The following SLC30A7 variants were observed in gnomAD, a reference collection of about 807,000 sequenced individuals.
SLC30A7 encodes the protein solute carrier family 30 member 7.
SLC30A7 carries 35 observed loss-of-function variants against 46.0 expected under a neutral mutation model. The ratio of observed to expected loss-of-function variants is 0.76; its 90% CI spans 0.58 to 1.01. The LOEUF is 1.01. Ranked by LOEUF, SLC30A7 falls within the 50% of genes least tolerant of loss-of-function variation. SLC30A7 has a pLI of 0.00. For missense variants in SLC30A7, 464 were observed against 451.1 expected, an observed-to-expected ratio of 1.03 and a Z score of -0.26; for synonymous variants, 147 against 157.8, an observed-to-expected ratio of 0.93 and a Z score of 0.51.
chr1:100,923,147 G>A (rs1486670786), intron 8 of SLC30A7, among the ~76,000 whole-genome samples: 1 of 134,884 alleles, frequency 7.4e-6, no homozygotes, highest in African/African-American at 2.8e-5. Flanking sequence ...CTCCCGAGTA[G>A]CTGGGACTAC....
intron 8 of SLC30A7, among the ~76,000 whole-genome samples, chr1:100,960,844 A>G (rs2101083763): frequency 6.6e-6 from 1 of 152,282 alleles, no homozygotes; most frequent in African/African-American, 2.4e-5. Context: ...ATATATCAGA[A>G]GTGAAAACAA....
In SLC30A7 at chr1:100,918,109, A is replaced by T. The variant is rs745466019; in HGVS notation, c.688A>T (p.Ser230Cys). 8.1e-6 allele frequency: 13 copies of T among 1,612,910 alleles called. No individual in the cohort carries two copies. The highest frequency in any genetic ancestry group is 1.1e-5 in the Non-Finnish European group (13 of 1,179,222). ...GTCCTTAAAAGAAACAACAGGACCC[A>T]GCAGACAGATTTTACAAGGTATGAC... ...GPSLKETTGP[S>C]RQILQGVFLH... The change falls in exon 7 of 11, where the codon AGC becomes TGC. Residue 230 changes from serine (S) to cysteine (C), a missense_variant. Physicochemically the swap from Ser to Cys is moderately radical, Grantham distance 112. Coordinates refer to ENST00000357650, the MANE Select transcript of SLC30A7 (RefSeq NM_133496.5).
chr1:100,977,689 C>T lies in SLC30A7; in HGVS notation c.*2832C>T, dbSNP rs1570609529. On this transcript the variant is annotated 3_prime_UTR_variant, in exon 11 of 11. Coordinates refer to ENST00000357650, the MANE Select transcript of SLC30A7 (RefSeq NM_133496.5). ...TTTGTATTGCTCAGGGACAGTTTAC[C>T]TTGCCTGGTAAACCTTCCCAAACAG... 1 of 152,136 alleles carries T rather than the reference C, an allele frequency of 6.6e-6. No individual in the cohort carries two copies. Among genetic ancestry groups the T allele is most frequent in the African/African-American group, 2.4e-5 (1 of 41,430 alleles). The allele number at this position is 152,136 out of a possible 1,614,324, so 9.4% of individuals were successfully genotyped here.
At chr1:100,909,319 T>C (rs1406140175) in intron 3 of SLC30A7, among the ~76,000 whole-genome samples, 18 of 152,120 alleles carry the variant, frequency 1.2e-4, no homozygotes, top group Non-Finnish European at 2.5e-4. Flanking sequence ...AGCAAGGACT[T>C]TTAAGTATTT....
At chr1:100,928,190 C>A (rs1169955182) in intron 8 of SLC30A7, among the ~76,000 whole-genome samples, 1 of 152,134 alleles carries the variant, frequency 6.6e-6, no homozygotes, top group East Asian at 1.9e-4. Context: ...GTGTAATGAT[C>A]TAATGGCACG....
In SLC30A7 at chr1:100,920,265, A is replaced by G. The variant is rs141393033; in HGVS notation, c.707-1441A>G. Reference sequence around the variant, plus strand: ...AAAGGCTTAAAAGCATGTATCATATATAAGAGTTTGTAGTTAGGGACCTTC... The same window carrying G: ...AAAGGCTTAAAAGCATGTATCATATGTAAGAGTTTGTAGTTAGGGACCTTC... On this transcript the variant is annotated intron_variant, in intron 7 of 10. Coordinates refer to ENST00000357650, the MANE Select transcript of SLC30A7 (RefSeq NM_133496.5). Among the ~76,000 whole-genome samples, 1,178 of 152,172 alleles carry G rather than the reference A, an allele frequency of 7.7e-3. 10 individuals carry two copies. Among genetic ancestry groups the G allele is most frequent in the Non-Finnish European group, 0.014 (940 of 67,896 alleles).
intron 8 of SLC30A7, among the ~76,000 whole-genome samples, chr1:100,923,920 G>C (rs1293010003): frequency 6.6e-6 from 1 of 152,110 alleles, no homozygotes; most frequent in African/African-American, 2.4e-5. Context: ...TTTATTCACT[G>C]TTACAACTAT....
rs1415916140 is a variant in SLC30A7, at chr1:100,975,074, T to G, written c.*217T>G. The stretch of plus-strand genomic sequence containing the variant: ...TCTCCTGGACTTTTGGTCTTTTCTT[T>G]TGTGCTCTTTCCTCCAAATCTTTTT... On this transcript the variant is annotated 3_prime_UTR_variant, in exon 11 of 11. Transcript: ENST00000357650. 5.2e-6 allele frequency: 2 copies of G among 387,958 alleles called. No individual in the cohort carries two copies. Among genetic ancestry groups the G allele is most frequent in the Non-Finnish European group, 9.1e-6 (2 of 218,878 alleles). The allele number at this position is 387,958 out of a possible 1,614,324, so 24.0% of individuals were successfully genotyped here.
intron 6 of SLC30A7, among the ~76,000 whole-genome samples, chr1:100,916,064 A>G (rs570976544): frequency 2.0e-5 from 3 of 151,954 alleles, no homozygotes; most frequent in African/African-American, 7.2e-5. Context: ...GGCTATTTGT[A>G]TGTCTTCTTT....
intron 8 of SLC30A7, among the ~76,000 whole-genome samples, chr1:100,935,123 A>G (rs978689289): frequency 6.6e-6 from 1 of 152,216 alleles, no homozygotes; most frequent in Non-Finnish European, 1.5e-5. Context: ...TAGCTCATTT[A>G]TTTTTAGAAA....
chr1:100,913,581 C>A (rs1652271276), intron 5 of SLC30A7, 82 bp from the exon 6 acceptor site: 1 of 981,192 alleles, frequency 1.0e-6, no homozygotes, highest in East Asian at 2.5e-5. Context: ...AGAGCTGATT[C>A]TTTGCGCTAG....
intron 6 of SLC30A7, among the ~76,000 whole-genome samples, chr1:100,915,188 C>CTGTTTTCT (rs1652415816): frequency 8.1e-6 from 1 of 123,736 alleles, no homozygotes; most frequent in African/African-American, 3.0e-5. Context: ...CTTTTCTTTT[C>CTGTTTTCT]TTTCTTTTCT....
intron 8 of SLC30A7, among the ~76,000 whole-genome samples, chr1:100,957,463 C>G (rs995767165): frequency 1.3e-5 from 2 of 152,088 alleles, no homozygotes; most frequent in African/African-American, 4.8e-5. Flanking sequence ...AGTTTAACCA[C>G]TTTTTCTTAT....
intron 8 of SLC30A7, among the ~76,000 whole-genome samples, chr1:100,946,710 C>T (rs1423710206): frequency 6.6e-6 from 1 of 152,162 alleles, no homozygotes; most frequent in Admixed American, 6.5e-5. Flanking sequence ...AGGATTTTTG[C>T]ATCGATGTTC....
At chr1:100,952,786 C>A (rs1480951274) in intron 8 of SLC30A7, among the ~76,000 whole-genome samples, 3 of 152,076 alleles carry the variant, frequency 2.0e-5, no homozygotes, top group Admixed American at 1.3e-4. Flanking sequence ...CTGCAGTGTC[C>A]CTCCTAGATG....
At chr1:100,974,755 GTAGGGTGTTAT>G in intron 10 of SLC30A7, 44 bp from the exon 11 acceptor site, 1 of 1,297,568 alleles carries the variant, frequency 7.7e-7, no homozygotes, top group Non-Finnish European at 1.1e-6. Flanking sequence ...CCTGAAATGT[GTAGGGTGTTAT>G]TAGCTTGTTA....
chr1:100,911,160 A>T lies in SLC30A7; in HGVS notation c.384+10A>T. ...CTCAGAAGGAGTTGAGGTATAGTAG[A>T]TAATTATTAAAGTCAGTAAATTACA... On this transcript the variant is annotated intron_variant, in intron 4 of 10. Coordinates refer to ENST00000357650, the MANE Select transcript of SLC30A7 (RefSeq NM_133496.5). 1 of 1,541,602 alleles carries T rather than the reference A, an allele frequency of 6.5e-7. No homozygotes were observed. The highest frequency in any genetic ancestry group is 8.9e-7 in the Non-Finnish European group (1 of 1,122,492).
intron 10 of SLC30A7, among the ~76,000 whole-genome samples, chr1:100,967,115 A>G (rs1655912462): frequency 6.6e-6 from 1 of 152,224 alleles, no homozygotes; most frequent in African/African-American, 2.4e-5. Context: ...AGAAAGAGGC[A>G]GAGAGAATAT....
chr1:100,966,517 G>A (rs1374605042), intron 10 of SLC30A7, among the ~76,000 whole-genome samples: 5 of 151,294 alleles, frequency 3.3e-5, no homozygotes, highest in African/African-American at 7.3e-5. Flanking sequence ...CCCAGGAGGC[G>A]GAGCTTGCAG....
Sources: gnomAD v4.1 joint callset for allele counts (sites outside exome capture counted in the v4.1 genomes callset) on GRCh38, gnomAD v4.1.1 for gene constraint, MANE v1.5 for transcripts, NCBI Gene and HGNC (gene_info 2026-07-23, HGNC 2026-07-21) for gene names.